Variants in TRPV3 observed in about 807,000 individuals in gnomAD.
TRPV3 encodes the protein VRL-3.
Under a neutral mutation model 87.1 loss-of-function variants are expected in TRPV3, and 88 were observed. The observed-to-expected ratio is 1.01, with a 90% confidence interval of 0.85 to 1.21. TRPV3 has a LOEUF of 1.21. Among genes scored for constraint, TRPV3 ranks in the 50% most tolerant of loss-of-function variants. The pLI, the probability that TRPV3 is intolerant of heterozygous loss-of-function variation, is 0.00. For synonymous variants in TRPV3, 438 were observed against 423.3 expected, an observed-to-expected ratio of 1.03 and a Z score of -0.43; for missense variants, 1,054 against 1,030.1, an observed-to-expected ratio of 1.02 and a Z score of -0.32.
intron 14 of TRPV3, among the ~76,000 whole-genome samples, chr17:3,520,199 T>C (rs1463975833): frequency 6.6e-6 from 1 of 151,914 alleles, no homozygotes; most frequent in African/African-American, 2.4e-5. Context: ...AACTGGTACG[T>C]GGGGGAAAAT....
chr17:3,547,952 C>T (rs537788306), intron 2 of TRPV3, among the ~76,000 whole-genome samples: 26 of 152,346 alleles, frequency 1.7e-4, no homozygotes, highest in African/African-American at 2.4e-4. Flanking sequence ...CACAATCACA[C>T]GCACAGAGAA....
rs567106969 is a variant in TRPV3, at chr17:3,551,923, C to T, written c.119+2809G>A. On this transcript the variant is annotated intron_variant, in intron 2 of 17. Coordinates refer to ENST00000576742, the MANE Select transcript of TRPV3 (RefSeq NM_145068.4). ...TTGGAGATGGAATCTTGCTATGTCA[C>T]CCAGGCTAGAGTGCAGTGGCACAAT... is the stretch of plus-strand genomic sequence containing the variant. Among the ~76,000 whole-genome samples the T allele has an allele frequency of 5.7e-4, 56 of 98,418 alleles. 1 individual carries two copies. The highest frequency in any genetic ancestry group is 0.02 in the Middle Eastern group (2 of 100). The allele number at this position is 98,418 out of a possible 152,430, so 64.6% of individuals were successfully genotyped here.
At chr17:3,515,994 T>C (rs898885699) in intron 16 of TRPV3, among the ~76,000 whole-genome samples, 8 of 151,818 alleles carry the variant, frequency 5.3e-5, no homozygotes, top group Non-Finnish European at 8.8e-5. Flanking sequence ...TGAGACCAGC[T>C]TGACCAACAT....
intron 7 of TRPV3, 139 bp from the exon 8 acceptor site, chr17:3,533,076 C>A: frequency 7.0e-6 from 7 of 996,276 alleles, no homozygotes; most frequent in Non-Finnish European, 1.0e-5. Context: ...TCTTCCGCTT[C>A]TACGGGGAAG....
chr17:3,545,453 T>C lies in TRPV3; in HGVS notation c.120-182A>G, dbSNP rs145704376. Among the ~76,000 whole-genome samples the C allele has an allele frequency of 4.6e-5, 7 of 152,312 alleles. No homozygotes were observed. In the East Asian group the frequency reaches 1.3e-3, roughly 29 times the overall value. On this transcript the variant is annotated intron_variant, in intron 2 of 17. Coordinates refer to ENST00000576742, the MANE Select transcript of TRPV3 (RefSeq NM_145068.4). ...GGAGATGGACACTGTCATTATCACC[T>C]ACGTTTCACAGATGGTCTCCAGGGA... is the stretch of plus-strand genomic sequence containing the variant.
chr17:3,526,039 C>G (rs952905492), intron 12 of TRPV3, among the ~76,000 whole-genome samples: 5 of 152,202 alleles, frequency 3.3e-5, no homozygotes, highest in African/African-American at 1.2e-4. Flanking sequence ...AAAACACTGT[C>G]TTATAACATC....
At chr17:3,521,703 G>A (rs1407116279) in intron 13 of TRPV3, among the ~76,000 whole-genome samples, 1 of 151,938 alleles carries the variant, frequency 6.6e-6, no homozygotes, top group African/African-American at 2.4e-5. Context: ...AATAAAGCTG[G>A]GGGTAAAGAA....
chr17:3,545,391 G>A, intron 2 of TRPV3, 120 bp from the exon 3 acceptor site: 1 of 659,742 alleles, frequency 1.5e-6, no homozygotes, highest in Non-Finnish European at 2.6e-6. Context: ...CCAGCTCTGA[G>A]CCCAAATGGC....
At chr17:3,536,959 G>A (rs2074414181) in intron 6 of TRPV3, among the ~76,000 whole-genome samples, 1 of 152,102 alleles carries the variant, frequency 6.6e-6, no homozygotes, top group Non-Finnish European at 1.5e-5. Context: ...TAGTCTTGGT[G>A]GATTAAAGAA....
intron 12 of TRPV3, among the ~76,000 whole-genome samples, chr17:3,525,177 A>T (rs1346644413): frequency 1.3e-5 from 2 of 151,950 alleles, no homozygotes; most frequent in African/African-American, 4.8e-5. Flanking sequence ...CCGCCACCAC[A>T]CCAGGCTCAT....
At chr17:3,525,621 AT>A (rs35398071) in intron 12 of TRPV3, among the ~76,000 whole-genome samples, 29,487 of 143,194 alleles carry the variant, frequency 0.21, 2,904 homozygotes, top group Non-Finnish European at 0.26. Context: ...ACCACAATTA[AT>A]TTTTTTTTTT....
At position 3,514,612 on chromosome 17, in the gene TRPV3, C is replaced by T. The variant is rs148399782; in HGVS notation, c.2259G>A (p.Pro753=). The part of the protein sequence containing the change: ...KTHVSFLNED[P]GPVRRTDFNK... ...CAGTACCTGTTCGTCTTACAGGCCC[C>T]GGGTCTTCGTTAAGGAAGGAGACGT... Residue 753 remains proline (P), a synonymous_variant, in exon 17 of 18, where the codon CCG becomes CCA. Transcript: ENST00000576742. The T allele has an allele frequency of 2.4e-4, 389 of 1,613,718 alleles. 2 individuals carry two copies. Among genetic ancestry groups the T allele is most frequent in the Non-Finnish European group, 3.0e-4 (359 of 1,179,760 alleles).
rs900634993 is a variant in TRPV3 at position 3,524,313 on chromosome 17, G to A, written c.1628C>T (p.Ala543Val). The A allele has an allele frequency of 5.0e-6, 8 of 1,614,246 alleles. No individual in the cohort carries two copies. Among genetic ancestry groups the A allele is most frequent in the Non-Finnish European group, 5.9e-6 (7 of 1,180,050 alleles). ...VILSVFLYLF[A>V]YKEYLACLVL... ...GAGGCAGGCGAGGTACTCTTTGTAGGCAAACAAGTACAAGAAGACAGACAG... is the reference window on the plus strand; with the variant it reads ...GAGGCAGGCGAGGTACTCTTTGTAGACAAACAAGTACAAGAAGACAGACAG... The change falls in exon 13 of 18, where the codon GCC becomes GTC. Residue 543 changes from alanine to valine, a missense_variant. Ala to Val is a moderately conservative substitution (Grantham distance 64, BLOSUM62 0). Coordinates refer to ENST00000576742, the MANE Select transcript of TRPV3 (RefSeq NM_145068.4).
rs1443064149 is a variant in TRPV3, at chr17:3,532,581, C to T, written c.1065+76G>A. 9.1e-6 allele frequency: 14 copies of T among 1,534,908 alleles called. No individual in the cohort carries two copies. The East Asian group carries it at 1.8e-4, about 20-fold the overall frequency. On this transcript the variant is annotated intron_variant, in intron 8 of 17. Transcript: ENST00000576742. ...TGTGGTTTGTGAATCCCCAGTAAGG[C>T]CCCCGGGGCTGAGAGGGTGGCAGCT...
intron 2 of TRPV3, chr17:3,546,666 G>A (rs1211510879): frequency 2.2e-6 from 1 of 455,920 alleles, no homozygotes. Flanking sequence ...CAGCAGATAG[G>A]TAGCAAAGTC....
rs762740016 is a variant in TRPV3, at chr17:3,554,782, A to G, written c.69T>C (p.Pro23=). ...CCGGCCTCTTCTCTGGCAGGATGGC[A>G]GGGTTCCCACTGGGGGCAGCAACTC... The part of the protein sequence containing the change: ...GKRVAAPSGN[P]AILPEKRPAE... Residue 23 remains proline (P), a synonymous_variant, in exon 2 of 18, where the codon CCT becomes CCC. Coordinates refer to ENST00000576742, the MANE Select transcript of TRPV3 (RefSeq NM_145068.4). 2 of 1,612,986 alleles carry G rather than the reference A, an allele frequency of 1.2e-6. No homozygotes were observed. The highest frequency in any genetic ancestry group is 3.3e-5 in the Admixed American group (2 of 59,862).
chr17:3,514,510 G>C, intron 17 of TRPV3, 83 bp downstream of exon 17: 2 of 980,080 alleles, frequency 2.0e-6, no homozygotes, highest in Non-Finnish European at 3.3e-6. Context: ...GATGGGGAAA[G>C]TCAGGACCCT....
chr17:3,545,135 G>A (rs1297318297), intron 3 of TRPV3, 32 bp downstream of exon 3: 2 of 1,543,428 alleles, frequency 1.3e-6, no homozygotes, highest in East Asian at 2.2e-5. Context: ...GCTGGGCCCA[G>A]GGCAAGGGGT....
chr17:3,555,944 AGGTG>A (rs1168731924), intron 1 of TRPV3, among the ~76,000 whole-genome samples: 1 of 152,174 alleles, frequency 6.6e-6, no homozygotes, highest in Non-Finnish European at 1.5e-5. Flanking sequence ...TGGGAGGCCA[AGGTG>A]GGCAGATTGC....
Sources: allele counts gnomAD v4.1 joint callset (sites outside exome capture counted in the v4.1 genomes callset), GRCh38; gene constraint gnomAD v4.1.1; transcripts MANE v1.5; gene names NCBI Gene and HGNC (gene_info 2026-07-23, HGNC 2026-07-21).